The following NSUN2 variants were observed in gnomAD, a reference collection of about 807,000 sequenced individuals.
NSUN2 encodes the protein NOP2/Sun RNA methyltransferase 2, also known as RNA cytosine C(5)-methyltransferase NSUN2.
In NSUN2, 63 loss-of-function variants were observed where a neutral mutation model predicts 92.7. That is an observed-to-expected ratio of 0.68 (90% CI 0.56 to 0.84). The LOEUF is 0.84. Among genes scored for constraint, NSUN2 ranks in the 40% least tolerant of loss-of-function variants. The pLI, the probability that NSUN2 is intolerant of heterozygous loss-of-function variation, is 0.00. For synonymous variants in NSUN2, 356 were observed against 348.3 expected, an observed-to-expected ratio of 1.02 and a Z score of -0.25; for missense variants, 989 against 964.9, an observed-to-expected ratio of 1.02 and a Z score of -0.33.
chr5:6,603,331 T>C (rs948233349), intron 17 of NSUN2, among the ~76,000 whole-genome samples: 1 of 152,242 alleles, frequency 6.6e-6, no homozygotes, highest in Admixed American at 6.5e-5. Flanking sequence ...AAGACTCTTA[T>C]TTTGCTCTAA....
intron 7 of NSUN2, 70 bp from the exon 8 acceptor site, chr5:6,618,094 C>T: frequency 2.1e-6 from 2 of 963,508 alleles, no homozygotes. Context: ...AGATATGTCA[C>T]ATACAAGCTA....
chr5:6,615,827 A>G (rs1737186984), intron 9 of NSUN2, among the ~76,000 whole-genome samples: 1 of 152,278 alleles, frequency 6.6e-6, no homozygotes, highest in Non-Finnish European at 1.5e-5. Context: ...GGGAAAAGTT[A>G]ACATTCTGGC....
At chr5:6,614,099 A>G (rs990273764) in intron 9 of NSUN2, among the ~76,000 whole-genome samples, 1 of 71,592 alleles carries the variant, frequency 1.4e-5, no homozygotes, top group Non-Finnish European at 3.0e-5. Context: ...GTCTCGGAAA[A>G]AAAAAAAAAA....
chr5:6,605,715 T>A (rs903494306), intron 14 of NSUN2, among the ~76,000 whole-genome samples: 9 of 150,232 alleles, frequency 6.0e-5, no homozygotes, highest in East Asian at 3.9e-4. Context: ...TTTTTTTTTT[T>A]GATATGGAGT....
At chr5:6,624,515 C>T (rs1737573847) in intron 4 of NSUN2, among the ~76,000 whole-genome samples, 2 of 152,192 alleles carry the variant, frequency 1.3e-5, no homozygotes, top group Admixed American at 1.3e-4. Context: ...TCACACCCCA[C>T]AAACCCCACG....
intron 12 of NSUN2, among the ~76,000 whole-genome samples, chr5:6,607,772 A>G (rs565662689): frequency 6.6e-6 from 1 of 152,324 alleles, no homozygotes; most frequent in Admixed American, 6.5e-5. Flanking sequence ...GGGCAAAAAG[A>G]CAAGTATATA....
intron 3 of NSUN2, among the ~76,000 whole-genome samples, chr5:6,630,857 G>A (rs1346378647): frequency 3.9e-5 from 6 of 152,182 alleles, no homozygotes; most frequent in African/African-American, 1.4e-4. Flanking sequence ...CACTTTGGGA[G>A]GCCGAGGTGG....
chr5:6,613,045 G>A (rs3756428), intron 9 of NSUN2, among the ~76,000 whole-genome samples: 1 of 152,234 alleles, frequency 6.6e-6, no homozygotes, highest in South Asian at 2.1e-4. Flanking sequence ...AAGGGAGGAA[G>A]CATCTACAAT....
At chr5:6,601,108 A>C (rs1395904244) in intron 18 of NSUN2, among the ~76,000 whole-genome samples, 3 of 151,798 alleles carry the variant, frequency 2.0e-5, no homozygotes, top group African/African-American at 7.3e-5. Flanking sequence ...AGGGGCACAA[A>C]GGTGGTTTTA....
chr5:6,608,953 C>T (rs10475336), intron 12 of NSUN2, among the ~76,000 whole-genome samples: 2,577 of 152,326 alleles, frequency 0.017, 96 homozygotes, highest in African/African-American at 0.059. Flanking sequence ...AAGTGAAATA[C>T]TTTCTAACCT....
chr5:6,618,303 A>G (rs1042263606), intron 7 of NSUN2, among the ~76,000 whole-genome samples: 6 of 152,208 alleles, frequency 3.9e-5, no homozygotes, highest in Non-Finnish European at 5.9e-5. Context: ...TTCCATTTGG[A>G]AAAAACACTA....
intron 15 of NSUN2, 160 bp from the exon 16 acceptor site, chr5:6,604,845 A>C (rs534168611): frequency 1.6e-6 from 1 of 641,178 alleles, no homozygotes; most frequent in African/African-American, 1.8e-5. Context: ...GATACTCACA[A>C]CTTGTGATTA....
intron 17 of NSUN2, 121 bp from the exon 18 acceptor site, chr5:6,602,621 A>G: frequency 3.2e-6 from 3 of 946,088 alleles, no homozygotes; most frequent in Non-Finnish European, 5.1e-6. Flanking sequence ...CAAATAATCT[A>G]CATTCTTGGC....
At chr5:6,624,742 G>A (rs1349185552) in intron 4 of NSUN2, among the ~76,000 whole-genome samples, 1 of 152,170 alleles carries the variant, frequency 6.6e-6, no homozygotes, top group Non-Finnish European at 1.5e-5. Flanking sequence ...TTACTTAGAT[G>A]ACAGAAGGCC....
At chr5:6,609,221 T>C (rs185549358) in intron 12 of NSUN2, among the ~76,000 whole-genome samples, 38 of 152,284 alleles carry the variant, frequency 2.5e-4, no homozygotes, top group Admixed American at 2.4e-3. Flanking sequence ...TATGAACTAA[T>C]AAATAATGCT....
At chr5:6,625,699 G>A in intron 3 of NSUN2, 30 bp from the exon 4 acceptor site, 1 of 1,489,582 alleles carries the variant, frequency 6.7e-7, no homozygotes, top group Non-Finnish European at 9.4e-7. Flanking sequence ...AACATTTATG[G>A]ATTATAAATA....
At chr5:6,613,238 T>C (rs1293010752) in intron 9 of NSUN2, among the ~76,000 whole-genome samples, 1 of 152,158 alleles carries the variant, frequency 6.6e-6, no homozygotes, top group East Asian at 1.9e-4. Context: ...GAATGTTAGG[T>C]GAAAAAGCAG....
chr5:6,605,520 T>G, intron 14 of NSUN2, 112 bp from the exon 15 acceptor site: 3 of 1,132,090 alleles, frequency 2.6e-6, no homozygotes, highest in Non-Finnish European at 3.9e-6. Context: ...TGCAGTGTGG[T>G]TCAAGGGCAC....
At chr5:6,616,462 A>G (rs1737215331) in intron 9 of NSUN2, among the ~76,000 whole-genome samples, 1 of 152,304 alleles carries the variant, frequency 6.6e-6, no homozygotes, top group East Asian at 1.9e-4. Flanking sequence ...AAAGTCATAC[A>G]GACAAAAAAT....
Sources: allele counts gnomAD v4.1 joint callset (sites outside exome capture counted in the v4.1 genomes callset), GRCh38; gene constraint gnomAD v4.1.1; transcripts MANE v1.5; gene names NCBI Gene and HGNC (gene_info 2026-07-23, HGNC 2026-07-21).